Variants in CNTN6 observed in about 807,000 individuals in gnomAD.
The protein encoded by CNTN6 is contactin 6, also known as contactin-6.
In CNTN6, 137 loss-of-function variants were observed where a neutral mutation model predicts 122.8. The ratio of observed to expected loss-of-function variants is 1.12; its 90% CI spans 0.97 to 1.29. The LOEUF (loss-of-function observed/expected upper bound fraction) is 1.29, where lower values mean the gene tolerates loss of function less well. CNTN6 is among the 50% of genes most tolerant of loss of function. The pLI is 0.00. For missense variants in CNTN6, 1,634 were observed against 1,223.4 expected, an observed-to-expected ratio of 1.34 and a Z score of -5.01; for synonymous variants, 570 against 426.0, an observed-to-expected ratio of 1.34 and a Z score of -4.16.
At chr3:1,338,224 T>C (rs1703367245) in intron 11 of CNTN6, among the ~76,000 whole-genome samples, 1 of 152,172 alleles carries the variant, frequency 6.6e-6, no homozygotes, top group Admixed American at 6.6e-5. Flanking sequence ...AACTGTGTCT[T>C]ACAACAGAAA....
chr3:1,250,911 GCCATTTCCAGATGATC>G, intron 4 of CNTN6, among the ~76,000 whole-genome samples: 2 of 151,906 alleles, frequency 1.3e-5, no homozygotes, highest in African/African-American at 4.8e-5. Context: ...TCTCCTCCGT[GCCATTTCCAGATGATC>G]CCTCCTCCCT....
At chr3:1,344,102 T>C (rs1704292739) in intron 11 of CNTN6, among the ~76,000 whole-genome samples, 1 of 152,090 alleles carries the variant, frequency 6.6e-6, no homozygotes, top group Non-Finnish European at 1.5e-5. Context: ...TGCATCTCAG[T>C]TTTTTGATGT....
intron 20 of CNTN6, among the ~76,000 whole-genome samples, chr3:1,391,787 A>G (rs1446250610): frequency 1.1e-3 from 169 of 150,854 alleles, no homozygotes; most frequent in African/African-American, 3.8e-3. Context: ...CCAAATCATG[A>G]GTGAACTCCC....
chr3:1,163,211 C>G (rs897217436), intron 2 of CNTN6, among the ~76,000 whole-genome samples: 1 of 152,118 alleles, frequency 6.6e-6, no homozygotes, highest in East Asian at 1.9e-4. Flanking sequence ...TTTATTTATC[C>G]ATCTTATGCT....
chr3:1,351,035 C>G (rs1182367637), intron 11 of CNTN6, among the ~76,000 whole-genome samples: 1 of 151,752 alleles, frequency 6.6e-6, no homozygotes, highest in African/African-American at 2.4e-5. Flanking sequence ...TGGGAGAATA[C>G]TCTAAGATAA....
In CNTN6 at chr3:1,171,259, A is replaced by G. The variant is rs553711139; in HGVS notation, c.55+23196A>G. Among the ~76,000 whole-genome samples the G allele has an allele frequency of 3.9e-5, 6 of 152,336 alleles. No individual in the cohort carries two copies. The East Asian group carries it at 1.2e-3, about 29-fold the overall frequency. ...AGTGAATAACTGGGTTATTTTGACCATAGATCAAACTCCAAAAATTTAAGC... is the reference window on the plus strand; with the variant it reads ...AGTGAATAACTGGGTTATTTTGACCGTAGATCAAACTCCAAAAATTTAAGC... On this transcript the variant is annotated intron_variant, in intron 2 of 22. Coordinates refer to ENST00000446702, the MANE Select transcript of CNTN6 (RefSeq NM_001289080.2).
chr3:1,245,230 A>G (rs1559595615), intron 4 of CNTN6, among the ~76,000 whole-genome samples: 480 of 15,206 alleles, frequency 0.032, 131 homozygotes, highest in African/African-American at 0.17. Context: ...ATATATATAT[A>G]TATATACACA....
At chr3:1,163,406 C>T (rs984680194) in intron 2 of CNTN6, among the ~76,000 whole-genome samples, 7 of 152,112 alleles carry the variant, frequency 4.6e-5, no homozygotes, top group African/African-American at 1.4e-4. Flanking sequence ...GTGCTATGCC[C>T]TCATGTGCCA....
At chr3:1,139,949 AGTCAG>A (rs1349245213) in intron 1 of CNTN6, among the ~76,000 whole-genome samples, 1 of 152,206 alleles carries the variant, frequency 6.6e-6, no homozygotes, top group Non-Finnish European at 1.5e-5. Flanking sequence ...CTACCTATTA[AGTCAG>A]GTTACTGTTG....
intron 1 of CNTN6, among the ~76,000 whole-genome samples, chr3:1,100,749 C>G (rs1016603418): frequency 6.6e-6 from 1 of 151,990 alleles, no homozygotes; most frequent in Non-Finnish European, 1.5e-5. Flanking sequence ...GTTTTAATTT[C>G]TATAATTTAT....
At chr3:1,113,030 C>T (rs536482843) in intron 1 of CNTN6, among the ~76,000 whole-genome samples, 86 of 152,216 alleles carry the variant, frequency 5.6e-4, no homozygotes, top group African/African-American at 1.9e-3. Context: ...ACGTTCCAGG[C>T]AATGCATTAG....
intron 19 of CNTN6, 142 bp downstream of exon 19, chr3:1,383,550 A>T (rs1487253968): frequency 1.5e-6 from 1 of 652,504 alleles, no homozygotes; most frequent in Non-Finnish European, 2.6e-6. Flanking sequence ...TGAAGTTGAG[A>T]CAGGGTAGGT....
At position 1,388,262 on chromosome 3, in the gene CNTN6, C is replaced by CTGA. The variant is rs1693447885; in HGVS notation, c.2704+2465_2704+2466insTGA. ...CAAGTGGGTCCCTGACCCCTGACCC[C>CTGA]CGAGCAGCCTAACTGGGAGGCACCC... On this transcript the variant is annotated intron_variant, in intron 20 of 22. Transcript: ENST00000446702. Among the ~76,000 whole-genome samples, 3 of 149,102 alleles carry CTGA rather than the reference C, an allele frequency of 2.0e-5. 1 individual carries two copies. The highest frequency in any genetic ancestry group is 4.5e-5 in the Non-Finnish European group (3 of 66,942).
At chr3:1,111,525 A>G (rs144462992) in intron 1 of CNTN6, among the ~76,000 whole-genome samples, 1 of 152,288 alleles carries the variant, frequency 6.6e-6, no homozygotes, top group African/African-American at 2.4e-5. Context: ...TGCCAAAATT[A>G]ACGCATTTTA....
At chr3:1,114,504 A>T (rs2091625772) in intron 1 of CNTN6, among the ~76,000 whole-genome samples, 1 of 152,184 alleles carries the variant, frequency 6.6e-6, no homozygotes, top group African/African-American at 2.4e-5. Context: ...GTTAAGTCCT[A>T]TGTGGATACA....
chr3:1,229,486 T>G (rs1298454417), intron 4 of CNTN6, among the ~76,000 whole-genome samples: 1 of 152,098 alleles, frequency 6.6e-6, no homozygotes, highest in African/African-American at 2.4e-5. Flanking sequence ...CAGTTATGAT[T>G]CTATCTACTC....
At chr3:1,142,058 A>G (rs1377719483) in intron 1 of CNTN6, among the ~76,000 whole-genome samples, 1 of 152,132 alleles carries the variant, frequency 6.6e-6, no homozygotes, top group Non-Finnish European at 1.5e-5. Flanking sequence ...AAGGTTTAAC[A>G]TGGCAGCCAC....
intron 1 of CNTN6, among the ~76,000 whole-genome samples, chr3:1,134,910 C>G (rs2092433444): frequency 1.3e-5 from 2 of 152,072 alleles, no homozygotes; most frequent in African/African-American, 4.8e-5. Flanking sequence ...TATTTTAGTC[C>G]CCTGCCCTTG....
At chr3:1,156,227 C>A (rs1054209116) in intron 2 of CNTN6, among the ~76,000 whole-genome samples, 2 of 152,150 alleles carry the variant, frequency 1.3e-5, no homozygotes, top group African/African-American at 4.8e-5. Flanking sequence ...AAGGCAAATC[C>A]AATCTTTAAC....
Sources: gnomAD v4.1 joint callset for allele counts (sites outside exome capture counted in the v4.1 genomes callset) on GRCh38, gnomAD v4.1.1 for gene constraint, MANE v1.5 for transcripts, NCBI Gene and HGNC (gene_info 2026-07-23, HGNC 2026-07-21) for gene names.